GABPA: variants seen among roughly 807,000 people sequenced by gnomAD.
GABPA encodes the protein GA binding protein transcription factor subunit alpha.
In GABPA, 4 loss-of-function variants were observed where a neutral mutation model predicts 59.4. The observed-to-expected ratio is 0.07, with a 90% confidence interval of 0.03 to 0.15. The LOEUF is 0.15. GABPA is among the 10% of genes least tolerant of loss of function. GABPA has a pLI of 1.00. For synonymous variants in GABPA, 164 were observed against 183.1 expected, an observed-to-expected ratio of 0.90 and a Z score of 0.84; for missense variants, 251 against 543.8, an observed-to-expected ratio of 0.46 and a Z score of 5.36.
chr21:25,744,213 C>T (rs1601116192), intron 2 of GABPA, among the ~76,000 whole-genome samples: 1 of 151,808 alleles, frequency 6.6e-6, no homozygotes, highest in South Asian at 2.1e-4. Context: ...TGTTTTAAGT[C>T]AAGTGCAATG....
At chr21:25,754,611 T>TTA (rs1445124988) in intron 5 of GABPA, among the ~76,000 whole-genome samples, 1 of 150,896 alleles carries the variant, frequency 6.6e-6, no homozygotes, top group East Asian at 1.9e-4. Context: ...AGTATATTGA[T>TTA]TATATATTTT....
chr21:25,762,459 T>C, intron 7 of GABPA, 94 bp downstream of exon 7: 1 of 859,136 alleles, frequency 1.2e-6, no homozygotes, highest in Non-Finnish European at 1.8e-6. Context: ...TAAAAAAATT[T>C]TTTTTCTACA....
At chr21:25,762,955 T>C in intron 7 of GABPA, 2 of 372,696 alleles carry the variant, frequency 5.4e-6, no homozygotes, top group South Asian at 2.7e-5. Context: ...GGCAAACCCT[T>C]CGCCGCCTCC....
Position 25,749,200 on chromosome 21 carries a change from C to T in GABPA, c.307+80C>T, listed in dbSNP as rs146342330. ...CAATTTATAAGTTTTTAGGTGTTTT[C>T]GATGGTTGTCTACATTACTTGATAT... On this transcript the variant is annotated intron_variant, in intron 4 of 9. Coordinates refer to ENST00000400075, the MANE Select transcript of GABPA (RefSeq NM_002040.4). 138 of 805,048 alleles carry T rather than the reference C, an allele frequency of 1.7e-4. No individual in the cohort carries two copies. In the East Asian group the frequency reaches 1.8e-3, roughly 11 times the overall value. The allele number at this position is 805,048 out of a possible 1,614,324, so 49.9% of individuals were successfully genotyped here.
chr21:25,766,669 C>G (rs2035897343), intron 9 of GABPA, among the ~76,000 whole-genome samples: 1 of 151,846 alleles, frequency 6.6e-6, no homozygotes, highest in Non-Finnish European at 1.5e-5. Flanking sequence ...CCTAGAGTGG[C>G]TACAATTTAA....
chr21:25,742,181 A>C (rs768164196), intron 2 of GABPA, among the ~76,000 whole-genome samples: 1 of 152,238 alleles, frequency 6.6e-6, no homozygotes, highest in Admixed American at 6.5e-5. Context: ...TTCTTGGAAT[A>C]ATAGTGGAAT....
chr21:25,764,378 AAATATATCT>A lies in GABPA; in HGVS notation c.943+30_943+38del, dbSNP rs2035840217. 7 of 1,558,936 alleles carry A rather than the reference AAATATATCT, an allele frequency of 4.5e-6. No individual in the cohort carries two copies. The Admixed American group carries it at 1.3e-4, about 28-fold the overall frequency. ...ATTTTTGTATTTTCTTGTATTTATAAAATATATCTATCTAATTAGGTATATTTTGTTGTA... is the reference window on the plus strand; with the variant it reads ...ATTTTTGTATTTTCTTGTATTTATAAATCTAATTAGGTATATTTTGTTGTA... On this transcript the variant is annotated intron_variant, in intron 8 of 9. Coordinates refer to ENST00000400075, the MANE Select transcript of GABPA (RefSeq NM_002040.4).
chr21:25,751,424 G>A (rs936688070), intron 4 of GABPA, among the ~76,000 whole-genome samples: 2 of 150,938 alleles, frequency 1.3e-5, no homozygotes, highest in African/African-American at 4.8e-5. Flanking sequence ...CTTTATACTA[G>A]GAGCTTAAAA....
In GABPA at chr21:25,769,216, C is replaced by T. The variant is rs144078894; in HGVS notation, c.1349C>T (p.Thr450Met). ...GCTCTGGCTACTGCTTCTCTGCAAACGGAAAAGGATAATTGAGCCCCAGGA... is the reference window on the plus strand; with the variant it reads ...GCTCTGGCTACTGCTTCTCTGCAAATGGAAAAGGATAATTGAGCCCCAGGA... Reference protein sequence around the residue: ...AVALATASLQTEKDN With the variant: ...AVALATASLQMEKDN The change falls in exon 10 of 10, where the codon ACG becomes ATG. Residue 450 changes from threonine to methionine, a missense_variant. Around this residue, in one of 4 missense-constraint regions of GABPA, gnomAD observed 23 missense variants for 60.7 expected, o/e 0.38. Transcript: ENST00000400075. The T allele has an allele frequency of 3.9e-4, 616 of 1,595,394 alleles. No individual in the cohort carries two copies. The highest frequency in any genetic ancestry group is 4.9e-4 in the Non-Finnish European group (573 of 1,163,314).
chr21:25,764,118 G>A (rs951536308), intron 7 of GABPA, 92 bp from the exon 8 acceptor site: 3 of 1,058,540 alleles, frequency 2.8e-6, no homozygotes, highest in East Asian at 2.5e-5. Context: ...AATTCATAGG[G>A]CATTAGTTAA....
intron 9 of GABPA, 73 bp from the exon 10 acceptor site, chr21:25,768,931 G>T: frequency 1.0e-6 from 1 of 972,856 alleles, no homozygotes; most frequent in South Asian, 1.5e-5. Context: ...TTCTGCTTAT[G>T]GAATAGTCTG....
chr21:25,742,761 A>G (rs1272013885), intron 2 of GABPA, among the ~76,000 whole-genome samples: 1 of 140 alleles, frequency 7.1e-3, no homozygotes, highest in Non-Finnish European at 0.029. Context: ...AAAACATACA[A>G]AAAAAAAAAA....
chr21:25,749,217 A>C, intron 4 of GABPA, 97 bp downstream of exon 4: 2 of 702,672 alleles, frequency 2.8e-6, no homozygotes, highest in Non-Finnish European at 2.4e-6. Context: ...TGTCTACATT[A>C]CTTGATATGA....
chr21:25,762,329 GAAC>G lies in GABPA; in HGVS notation c.771_773del (p.Gln258del), dbSNP rs1190130050. The G allele has an allele frequency of 6.4e-7, 1 of 1,572,708 alleles. No individual in the cohort carries two copies. The highest frequency in any genetic ancestry group is 2.3e-5 in the East Asian group (1 of 44,092). On this transcript the variant is annotated inframe_deletion, in exon 7 of 10. Coordinates refer to ENST00000400075, the MANE Select transcript of GABPA (RefSeq NM_002040.4). ...TTTTTCAGATGTATTGGCAAGTCAAGAACAACAGATGAATGAAATAGTTACAAT... is the reference window on the plus strand; with the variant it reads ...TTTTTCAGATGTATTGGCAAGTCAAGAACAGATGAATGAAATAGTTACAAT...
At position 25,762,362 on chromosome 21, in the gene GABPA, C is replaced by G. The variant is rs1403104464; in HGVS notation, c.799C>G (p.Gln267Glu). The G allele has an allele frequency of 2.5e-6, 4 of 1,570,212 alleles. No homozygotes were observed. In the African/African-American group the frequency reaches 5.5e-5, roughly 21 times the overall value. ...GATGAATGAAATAGTTACAATTGAT[C>G]AACGTGAGTATTTGTACCTATATTT... ...QQMNEIVTID[Q>E]PVQIIPASVQ... is the part of the protein sequence containing the mutation. The change falls in exon 7 of 10, where the codon CAA (glutamine) becomes GAA (glutamate). Residue 267 changes from glutamine (Q) to glutamate (E), a missense_variant. By Grantham distance (29) the Gln-to-Glu change is conservative (BLOSUM62 2). This residue lies in a region of GABPA where 207 missense variants were observed against 366.7 expected (regional missense o/e 0.56). Coordinates refer to ENST00000400075, the MANE Select transcript of GABPA (RefSeq NM_002040.4).
At chr21:25,736,830 C>A (rs67839741) in intron 1 of GABPA, among the ~76,000 whole-genome samples, 2,863 of 152,274 alleles carry the variant, frequency 0.019, 33 homozygotes, top group South Asian at 0.031. Context: ...GATATGTATG[C>A]TTTGCTTTTT....
Position 25,764,289 on chromosome 21 carries a change from C to G in GABPA, c.882C>G (p.Ala294=), listed in dbSNP as rs770113865. The change falls in exon 8 of 10, where the codon GCC becomes GCG. Residue 294 remains alanine (A), a synonymous_variant. Coordinates refer to ENST00000400075, the MANE Select transcript of GABPA (RefSeq NM_002040.4). The stretch of plus-strand genomic sequence containing the variant: ...TTATAAATAGTAGTGCGAAAGCAGC[C>G]AAAGTACAAAGAGCGCCGAGGATTT... ...IKVINSSAKA[A]KVQRAPRISG... The G allele has an allele frequency of 2.5e-6, 4 of 1,612,290 alleles. No homozygotes were observed. The African/African-American group carries it at 5.3e-5, about 22-fold the overall frequency.
At chr21:25,745,129 G>T in intron 2 of GABPA, 81 bp from the exon 3 acceptor site, 2 of 1,475,090 alleles carry the variant, frequency 1.4e-6, no homozygotes, top group Non-Finnish European at 1.9e-6. Flanking sequence ...TTTTGGTTTG[G>T]GATTGTGTTT....
chr21:25,739,275 C>G (rs974856498), intron 1 of GABPA, among the ~76,000 whole-genome samples: 1 of 152,174 alleles, frequency 6.6e-6, no homozygotes, highest in Non-Finnish European at 1.5e-5. Context: ...AGTTATAGCC[C>G]TTTCTAAAGT....
Sources: gnomAD v4.1 joint callset for allele counts (sites outside exome capture counted in the v4.1 genomes callset) on GRCh38, gnomAD v4.1.1 for gene constraint, gnomAD v4.1.1 regional missense constraint, MANE v1.5 for transcripts, NCBI Gene and HGNC (gene_info 2026-07-23, HGNC 2026-07-21) for gene names.